Variants in SIN3A observed in about 807,000 individuals in gnomAD.
SIN3A encodes paired amphipathic helix protein Sin3a.
Under a neutral mutation model 146.1 loss-of-function variants are expected in SIN3A, and 14 were observed. The observed-to-expected ratio is 0.10, with a 90% CI of 0.06 to 0.15. The LOEUF is 0.15. Ranked by LOEUF, SIN3A falls within the 10% of genes least tolerant of loss-of-function variation. The probability of loss-of-function intolerance (pLI) is 1.00; values close to 1 mark genes in which losing one functional copy is unlikely to be tolerated. For synonymous variants in SIN3A, 572 were observed against 572.0 expected (o/e 1.00, Z 0.00); for missense variants, 1,028 against 1,576.0 (o/e 0.65, Z 5.89).
chr15:75,375,236 T>C (rs952348826), intron 20 of SIN3A, among the ~76,000 whole-genome samples: 3 of 152,078 alleles, frequency 2.0e-5, no homozygotes, highest in South Asian at 2.1e-4. Context: ...AAATCATACA[T>C]TGAAGTCCTA....
intron 1 of SIN3A, among the ~76,000 whole-genome samples, chr15:75,449,756 T>C (rs1276446251): frequency 1.3e-5 from 2 of 152,218 alleles, no homozygotes; most frequent in African/African-American, 4.8e-5. Flanking sequence ...GTTACCTAAA[T>C]AGCAAATTCT....
rs188442345 is a variant in SIN3A, at chr15:75,429,871, C to G, written c.189+316G>C. On this transcript the variant is annotated intron_variant, in intron 2 of 20. Coordinates refer to ENST00000394947, the MANE Select transcript of SIN3A (RefSeq NM_001145358.2). ...CCATTTATATAAAAGTTCAAAAATACCGAAACTAAACAATTATGTTAGTTT... is the reference window on the plus strand; with the variant it reads ...CCATTTATATAAAAGTTCAAAAATAGCGAAACTAAACAATTATGTTAGTTT... 1.4e-3 allele frequency among the ~76,000 whole-genome samples: 206 copies of G among 152,010 alleles called. 1 individual carries two copies. The Middle Eastern group carries it at 0.031, about 23-fold the overall frequency.
At chr15:75,378,383 G>A (rs1041437906) in intron 19 of SIN3A, among the ~76,000 whole-genome samples, 1 of 152,150 alleles carries the variant, frequency 6.6e-6, no homozygotes, top group Non-Finnish European at 1.5e-5. Flanking sequence ...AGACCAACAT[G>A]GAGAAATCCC....
chr15:75,399,522 C>T (rs1341736823), intron 12 of SIN3A, among the ~76,000 whole-genome samples: 2 of 150,238 alleles, frequency 1.3e-5, no homozygotes, highest in Non-Finnish European at 2.9e-5. Context: ...AGCGAGACTC[C>T]GTCTCAAAAA....
chr15:75,397,814 A>C (rs1173935831), intron 12 of SIN3A, among the ~76,000 whole-genome samples: 2 of 152,176 alleles, frequency 1.3e-5, no homozygotes, highest in Admixed American at 6.5e-5. Flanking sequence ...GGATAGGAAC[A>C]CTCTGTCAAA....
chr15:75,392,559 T>C lies in SIN3A; in HGVS notation c.2534A>G (p.Asp845Gly), dbSNP rs1166413240. The C allele has an allele frequency of 5.6e-6, 9 of 1,614,148 alleles. No homozygotes were observed. Among genetic ancestry groups the C allele is most frequent in the South Asian group, 1.1e-5 (1 of 91,086 alleles). ...EEEEEEEMDVDEATGAVKKHN... is the reference protein window; with the variant it reads ...EEEEEEEMDVGEATGAVKKHN... ...CTTCTTAACTGCCCCTGTGGCTTCA[T>C]CTACATCCATCTCTTCTTCTTCCTC... Residue 845 changes from aspartate (D) to glycine (G), a missense_variant, in exon 15 of 21, where the codon GAT becomes GGT. Physicochemically the swap from Asp to Gly is moderately conservative, Grantham distance 94. Coordinates refer to ENST00000394947, the MANE Select transcript of SIN3A (RefSeq NM_001145358.2).
intron 14 of SIN3A, among the ~76,000 whole-genome samples, chr15:75,394,393 T>C (rs1043202896): frequency 9.2e-5 from 14 of 152,214 alleles, no homozygotes; most frequent in African/African-American, 2.7e-4. Context: ...CAAGGTATTA[T>C]TGTTTGAAGG....
intron 20 of SIN3A, among the ~76,000 whole-genome samples, chr15:75,375,054 A>C (rs1595885285): frequency 6.6e-6 from 1 of 152,330 alleles, no homozygotes; most frequent in Non-Finnish European, 1.5e-5. Context: ...AGATGTAAAT[A>C]CTGGGAGTAA....
chr15:75,372,278 C>T (rs1180783640), intron 20 of SIN3A, 69 bp from the exon 21 acceptor site: 3 of 1,048,270 alleles, frequency 2.9e-6, no homozygotes, highest in Non-Finnish European at 4.1e-6. Flanking sequence ...AAATACAAAG[C>T]CTAATTTTCT....
At position 75,370,976 on chromosome 15, in the gene SIN3A, A is replaced by G. The variant is rs1474887069; in HGVS notation, c.*1003T>C. On this transcript the variant is annotated 3_prime_UTR_variant, in exon 21 of 21. Coordinates refer to ENST00000394947, the MANE Select transcript of SIN3A (RefSeq NM_001145358.2). The stretch of plus-strand genomic sequence containing the variant: ...TTTATTTATTTACAAAAAAAAAAAA[A>G]AAAAAGTTGGGGGCAAAGGGGAAGA... The G allele has an allele frequency of 6.6e-6, 1 of 152,458 alleles. No individual in the cohort carries two copies. Among genetic ancestry groups the G allele is most frequent in the African/African-American group, 2.4e-5 (1 of 41,410 alleles). 9.4% of individuals were successfully genotyped at this position (152,458 alleles called of 1,614,324 possible). A position where few individuals can be genotyped will look rare whatever the true frequency, so the allele number is the denominator to read the frequency against.
chr15:75,430,427 A>C lies in SIN3A; in HGVS notation c.-33-19T>G, dbSNP rs1421424141. 3.9e-6 allele frequency: 6 copies of C among 1,538,974 alleles called. No individual in the cohort carries two copies. Among genetic ancestry groups the C allele is most frequent in the Non-Finnish European group, 5.3e-6 (6 of 1,142,750 alleles). ...ACAAAACCTGCAGAAACCAAAAGCA[A>C]TAGCATGCAAGTCAATTCTCACTCC... On this transcript the variant is annotated intron_variant, in intron 1 of 20. Transcript: ENST00000394947.
chr15:75,414,301 G>A lies in SIN3A; in HGVS notation c.377C>T (p.Ala126Val). Residue 126 changes from alanine (A) to valine (V), a missense_variant, in exon 4 of 21, where the codon GCG (alanine) becomes GTG (valine). Coordinates refer to ENST00000394947, the MANE Select transcript of SIN3A (RefSeq NM_001145358.2). ...CTTCACCTGGTCAAGATAAGATAGC[G>A]CATCCTCCACCTGAGGCAGGGATAA... ...QQFQRLKVED[A>V]LSYLDQVKLQ... is the part of the protein sequence containing the mutation. The A allele has an allele frequency of 6.7e-7, 1 of 1,499,476 alleles. No individual in the cohort carries two copies. The highest frequency in any genetic ancestry group is 1.4e-5 in the South Asian group (1 of 69,880). 92.9% of individuals were successfully genotyped at this position (1,499,476 alleles called of 1,614,324 possible).
chr15:75,389,515 A>T, intron 16 of SIN3A, 137 bp downstream of exon 16: 5 of 768,806 alleles, frequency 6.5e-6, no homozygotes, highest in South Asian at 1.7e-5. Context: ...CATCACATTA[A>T]CCTCCCCTCC....
chr15:75,405,648 G>T (rs1035587474), intron 9 of SIN3A, among the ~76,000 whole-genome samples: 1 of 152,256 alleles, frequency 6.6e-6, no homozygotes, highest in East Asian at 1.9e-4. Context: ...CTGTTTGGGA[G>T]GCTAAGGCTG....
intron 20 of SIN3A, 152 bp from the exon 21 acceptor site, chr15:75,372,361 A>AG (rs2072768650): frequency 7.7e-6 from 4 of 521,460 alleles, no homozygotes; most frequent in Non-Finnish European, 1.0e-5. Flanking sequence ...GAAAAAAAAA[A>AG]GGATTCTCTG....
intron 3 of SIN3A, 103 bp downstream of exon 3, chr15:75,422,544 A>T: frequency 1.6e-6 from 2 of 1,255,788 alleles, no homozygotes; most frequent in Non-Finnish European, 2.3e-6. Context: ...TTCGACAGCT[A>T]GTATCTCAGG....
chr15:75,425,581 C>T (rs1023681456), intron 2 of SIN3A, among the ~76,000 whole-genome samples: 1 of 152,164 alleles, frequency 6.6e-6, no homozygotes, highest in African/African-American at 2.4e-5. Context: ...CTTTTCTATT[C>T]TTTTATCTCA....
At chr15:75,384,615 G>C (rs1192714147) in intron 16 of SIN3A, among the ~76,000 whole-genome samples, 178 bp from the exon 17 acceptor site, 2 of 151,988 alleles carry the variant, frequency 1.3e-5, no homozygotes, top group African/African-American at 2.4e-5. Context: ...CATTTTCTTG[G>C]AGAATAATCA....
rs746516200 is a variant in SIN3A at position 75,375,689 on chromosome 15, C to A, written c.3567G>T (p.Arg1189Ser). Residue 1189 changes from arginine (R) to serine (S), a missense_variant, in exon 20 of 21, where the codon AGG (arginine) becomes AGT (serine). Physicochemically the swap from Arg to Ser is moderately radical, Grantham distance 110. This residue lies in a region of SIN3A where 488 missense variants were observed against 690.2 expected (regional missense o/e 0.71). Transcript: ENST00000394947. The part of the protein sequence containing the change: ...VIKSEDYMYR[R>S]TALLRAHQSH... Reference sequence around the variant, plus strand: ...CCTGATGAGCCCGGAGCAGGGCGGTCCTCCGATACATATAGTCCTCTGATT... The same window carrying A: ...CCTGATGAGCCCGGAGCAGGGCGGTACTCCGATACATATAGTCCTCTGATT... 1 of 1,614,112 alleles carries A rather than the reference C, an allele frequency of 6.2e-7. No individual in the cohort carries two copies. The highest frequency in any genetic ancestry group is 8.5e-7 in the Non-Finnish European group (1 of 1,179,968).
Sources: gnomAD v4.1 joint callset for allele counts (sites outside exome capture counted in the v4.1 genomes callset) on GRCh38, gnomAD v4.1.1 for gene constraint, gnomAD v4.1.1 regional missense constraint, MANE v1.5 for transcripts, NCBI Gene and HGNC (gene_info 2026-07-23, HGNC 2026-07-21) for gene names.